The following EFEMP1 variants were observed in gnomAD, a reference collection of about 807,000 sequenced individuals.
EFEMP1 encodes EGF-containing fibulin-like extracellular matrix protein 1.
A neutral mutation model predicts 65.7 loss-of-function variants in EFEMP1; 18 were observed. The ratio of observed to expected loss-of-function variants is 0.27; its 90% confidence interval spans 0.19 to 0.41. EFEMP1 has a LOEUF of 0.41. Among genes scored for constraint, EFEMP1 ranks in the 10% least tolerant of loss-of-function variants. The pLI, the probability that EFEMP1 is intolerant of heterozygous loss-of-function variation, is 1.00. For synonymous variants in EFEMP1, 237 were observed against 219.7 expected (o/e 1.08, Z -0.70); for missense variants, 469 against 624.8 (o/e 0.75, Z 2.66).
chr2:55,922,817 C>A lies in EFEMP1; in HGVS notation c.-8+82G>T. ...AAAGGGGACGGTGCATTTCCTGCCCCCCAGTCCCACACCCCGGGGGATGGA... is the reference window on the plus strand; with the variant it reads ...AAAGGGGACGGTGCATTTCCTGCCCACCAGTCCCACACCCCGGGGGATGGA... On this transcript the variant is annotated intron_variant, in intron 2 of 11. Coordinates refer to ENST00000355426, the MANE Select transcript of EFEMP1 (RefSeq NM_001039348.3). This position sits in a 1 kb window ranked among gnomAD's most constrained non-coding sequence, Gnocchi z 5.5. 9.3e-7 allele frequency: 1 copy of A among 1,070,924 alleles called. No homozygotes were observed. The highest frequency in any genetic ancestry group is 1.8e-5 in the South Asian group (1 of 56,568). The allele number at this position is 1,070,924 out of a possible 1,614,324, so 66.3% of individuals were successfully genotyped here.
chr2:55,900,304 GC>G (rs1669982027), intron 5 of EFEMP1, among the ~76,000 whole-genome samples: 1 of 150,822 alleles, frequency 6.6e-6, no homozygotes, highest in African/African-American at 2.4e-5. Flanking sequence ...AGATCTGACT[GC>G]CCCCACGATC....
chr2:55,913,109 C>A (rs1415383114), intron 5 of EFEMP1, among the ~76,000 whole-genome samples: 1 of 152,192 alleles, frequency 6.6e-6, no homozygotes, highest in Non-Finnish European at 1.5e-5. Flanking sequence ...ACTGGACAAG[C>A]AATGCCTCAA....
chr2:55,915,750 A>G (rs1670653164), intron 5 of EFEMP1, among the ~76,000 whole-genome samples: 1 of 152,200 alleles, frequency 6.6e-6, no homozygotes, highest in Non-Finnish European at 1.5e-5. Context: ...AAATACTACC[A>G]AACTTTCCAG....
intron 5 of EFEMP1, among the ~76,000 whole-genome samples, chr2:55,899,729 T>G (rs1271190926): frequency 3.9e-5 from 6 of 152,132 alleles, no homozygotes; most frequent in Non-Finnish European, 7.3e-5. Flanking sequence ...CCACACCATA[T>G]CCCTCTTCCC....
Position 55,917,554 on chromosome 2 carries a change from C to A in EFEMP1, c.517+111G>T. 1.5e-6 allele frequency: 2 copies of A among 1,370,932 alleles called. No homozygotes were observed. The highest frequency in any genetic ancestry group is 2.1e-6 in the Non-Finnish European group (2 of 959,776). 84.9% of individuals were successfully genotyped at this position (1,370,932 alleles called of 1,614,324 possible). ...GATTAAATATAATGCAGACAAAGCA[C>A]TTAGCATGATGTCTGGCACGCGAGA... is the stretch of plus-strand genomic sequence containing the variant. On this transcript the variant is annotated intron_variant, in intron 5 of 11. Transcript: ENST00000355426. This position sits in a 1 kb window ranked among gnomAD's most constrained non-coding sequence, Gnocchi z 6.3.
chr2:55,917,767 T>C lies in EFEMP1; in HGVS notation c.415A>G (p.Ile139Val), dbSNP rs749133035. The change falls in exon 5 of 12, where the codon ATC becomes GTC. Residue 139 changes from isoleucine to valine, a missense_variant. Around this residue, in one of 3 missense-constraint regions of EFEMP1, gnomAD observed 399 missense variants for 528.2 expected, o/e 0.76. Transcript: ENST00000355426. This position sits in a 1 kb window ranked among gnomAD's most constrained non-coding sequence, Gnocchi z 6.3. ...EMQTGRNNFVIRRNPADPQRI... is the reference protein window; with the variant it reads ...EMQTGRNNFVVRRNPADPQRI... ...TGAGGGTCAGCTGGGTTCCGCCGGA[T>C]GACAAAGTTATTTCGGCCAGTCTGC... 3.1e-6 allele frequency: 5 copies of C among 1,614,156 alleles called. No individual in the cohort carries two copies. The highest frequency in any genetic ancestry group is 1.1e-5 in the South Asian group (1 of 91,084).
Position 55,875,051 on chromosome 2 carries a change from T to A in EFEMP1, c.895A>T (p.Arg299Ter), listed in dbSNP as rs1161030944. 6.2e-7 allele frequency: 1 copy of A among 1,603,164 alleles called. No individual in the cohort carries two copies. The highest frequency in any genetic ancestry group is 1.3e-5 in the African/African-American group (1 of 74,346). Reference protein sequence around the residue: ...RLNCEDIDECRTSSYLCQYQC... With the variant: ...RLNCEDIDEC ...TATTGACACAGGTAGCTTGAGGTTC[T>A]GCATTCATCAATGTCTGTTGAATTA... Residue 299 changes from arginine (R) to a stop codon, truncating the protein, a stop_gained, in exon 9 of 12, where the codon AGA becomes TGA. Transcript: ENST00000355426. LOFTEE classifies it high-confidence loss of function.
At chr2:55,879,535 T>C (rs1669160034) in intron 6 of EFEMP1, among the ~76,000 whole-genome samples, 1 of 152,230 alleles carries the variant, frequency 6.6e-6, no homozygotes, top group Admixed American at 6.5e-5. Context: ...TAAACATTCA[T>C]TGAACCATTC....
At chr2:55,880,497 T>C (rs1234846147) in intron 6 of EFEMP1, among the ~76,000 whole-genome samples, 1 of 152,230 alleles carries the variant, frequency 6.6e-6, no homozygotes, top group Non-Finnish European at 1.5e-5. Flanking sequence ...TGGGCCTTCC[T>C]CAGAGGCTGG....
chr2:55,875,467 C>T (rs1351455925), intron 8 of EFEMP1, among the ~76,000 whole-genome samples: 1 of 151,732 alleles, frequency 6.6e-6, no homozygotes, highest in African/African-American at 2.4e-5. Context: ...AATAGAAATA[C>T]AAAACTTTAT....
At chr2:55,875,372 A>T (rs73940326) in intron 8 of EFEMP1, among the ~76,000 whole-genome samples, 1,555 of 148,946 alleles carry the variant, frequency 0.01, 26 homozygotes, top group African/African-American at 0.035. Flanking sequence ...ACACATATAT[A>T]TTTTTTTTGT....
At chr2:55,878,043 A>G (rs902192920) in intron 6 of EFEMP1, among the ~76,000 whole-genome samples, 178 bp from the exon 7 acceptor site, 2 of 152,222 alleles carry the variant, frequency 1.3e-5, no homozygotes, top group African/African-American at 4.8e-5. Context: ...TTAAGAAGTT[A>G]AGAACAAAGA....
Position 55,870,848 on chromosome 2 carries a change from T to C in EFEMP1, c.1192A>G (p.Met398Val), listed in dbSNP as rs1012296244. 3.1e-6 allele frequency: 5 copies of C among 1,613,730 alleles called. No homozygotes were observed. The highest frequency in any genetic ancestry group is 2.5e-6 in the Non-Finnish European group (3 of 1,179,874). Reference sequence around the variant, plus strand: ...ACAGACCTATCAGATCGGATGCTCATGTATTTGTAGACTATTGACTGGGGC... The same window carrying C: ...ACAGACCTATCAGATCGGATGCTCACGTATTTGTAGACTATTGACTGGGGC... Reference protein sequence around the residue: ...ELPQSIVYKYMSIRSDRSVPS... With the variant: ...ELPQSIVYKYVSIRSDRSVPS... Residue 398 changes from methionine (M) to valine (V), a missense_variant, in exon 11 of 12, where the codon ATG becomes GTG. By Grantham distance (21) the Met-to-Val change is conservative. This residue lies in a region of EFEMP1 where 399 missense variants were observed against 528.2 expected (regional missense o/e 0.76). Coordinates refer to ENST00000355426, the MANE Select transcript of EFEMP1 (RefSeq NM_001039348.3). This position sits in a 1 kb window ranked among gnomAD's most constrained non-coding sequence, Gnocchi z 5.8.
chr2:55,867,122 G>A lies in EFEMP1; in HGVS notation c.1433C>T (p.Thr478Ile), dbSNP rs770166720. ...TATTGTCAATCTTAACACAGAGCTT[G>A]TGCGGAAGGTCCCTATACTGCTGAC... ...LTVSSIGTFR[T>I]SSVLRLTIIV... The change falls in exon 12 of 12, where the codon ACA (threonine) becomes ATA (isoleucine). Residue 478 changes from threonine to isoleucine, a missense_variant. Physicochemically the swap from Thr to Ile is moderately conservative, Grantham distance 89. This residue lies in a region of EFEMP1 where 399 missense variants were observed against 528.2 expected (regional missense o/e 0.76). Transcript: ENST00000355426. This position sits in a 1 kb window ranked among gnomAD's most constrained non-coding sequence, Gnocchi z 4.3. The A allele has an allele frequency of 2.5e-6, 4 of 1,613,586 alleles. No homozygotes were observed. The highest frequency in any genetic ancestry group is 3.3e-5 in the Admixed American group (2 of 59,990).
Position 55,917,661 on chromosome 2 carries a change from C to G in EFEMP1, c.517+4G>C, listed in dbSNP as rs761999227. 1 of 1,614,148 alleles carries G rather than the reference C, an allele frequency of 6.2e-7. No homozygotes were observed. Among genetic ancestry groups the G allele is most frequent in the Non-Finnish European group, 8.5e-7 (1 of 1,179,992 alleles). On this transcript the variant is annotated splice_donor_region_variant and intron_variant, in intron 5 of 11. Transcript: ENST00000355426. This position sits in a 1 kb window ranked among gnomAD's most constrained non-coding sequence, Gnocchi z 6.3. ...CAATGGTTAGGAAAATAAGTTATTC[C>G]TACCTTGGCACACGTTGTGTTCACT... is the stretch of plus-strand genomic sequence containing the variant.
At chr2:55,896,306 G>A (rs997385439) in intron 5 of EFEMP1, among the ~76,000 whole-genome samples, 37 of 152,336 alleles carry the variant, frequency 2.4e-4, no homozygotes, top group Non-Finnish European at 2.6e-4. Context: ...TGCAACTTCT[G>A]CAAAGGCTGA....
At position 55,917,981 on chromosome 2, in the gene EFEMP1, T is replaced by C; in HGVS notation, c.201A>G (p.Gly67=). ...GGMKCVNHYG[G]YLCLPKTAQI... is the part of the protein sequence containing the mutation. ...GGGCTGTTTTCGGAAGGCAGAGGTA[T>C]CCTCCATAGTGGTTGACACACTTCA... The change falls in exon 5 of 12, where the codon GGA becomes GGG. Residue 67 remains glycine, a synonymous_variant. Coordinates refer to ENST00000355426, the MANE Select transcript of EFEMP1 (RefSeq NM_001039348.3). This position sits in a 1 kb window ranked among gnomAD's most constrained non-coding sequence, Gnocchi z 6.3. The C allele has an allele frequency of 6.2e-7, 1 of 1,614,244 alleles. No homozygotes were observed. Among genetic ancestry groups the C allele is most frequent in the Non-Finnish European group, 8.5e-7 (1 of 1,180,046 alleles).
rs547851604 is a variant in EFEMP1 at position 55,870,787 on chromosome 2, A to C, written c.1253T>G (p.Ile418Ser). The change falls in exon 11 of 12, where the codon ATT (isoleucine) becomes AGT (serine). Residue 418 changes from isoleucine (I) to serine (S), a missense_variant. By Grantham distance (142) the Ile-to-Ser change is moderately radical. This residue lies in a region of EFEMP1 where 399 missense variants were observed against 528.2 expected (regional missense o/e 0.76). Coordinates refer to ENST00000355426, the MANE Select transcript of EFEMP1 (RefSeq NM_001039348.3). The surrounding 1 kb of genome is among the most constrained non-coding windows in gnomAD (Gnocchi z 5.8). ...AAAAGTATTGATGGTGTTGGCATAAATAGTTGTGGCCTGTATCTGGAAGAT... is the reference window on the plus strand; with the variant it reads ...AAAAGTATTGATGGTGTTGGCATAACTAGTTGTGGCCTGTATCTGGAAGAT... Reference protein sequence around the residue: ...SDIFQIQATTIYANTINTFRI... With the variant: ...SDIFQIQATTSYANTINTFRI... 1.9e-6 allele frequency: 3 copies of C among 1,613,834 alleles called. No individual in the cohort carries two copies. In the African/African-American group the frequency reaches 4.0e-5, roughly 22 times the overall value.
chr2:55,899,785 T>A (rs1558477670), intron 5 of EFEMP1, among the ~76,000 whole-genome samples: 1 of 152,206 alleles, frequency 6.6e-6, no homozygotes, highest in Non-Finnish European at 1.5e-5. Context: ...GAAAGTGGAC[T>A]CTGCTGCAAC....
Sources: allele counts gnomAD v4.1 joint callset (sites outside exome capture counted in the v4.1 genomes callset), GRCh38; gene constraint gnomAD v4.1.1; regional missense constraint gnomAD v4.1.1; non-coding constraint Gnocchi (gnomAD v3.1); transcripts MANE v1.5; gene names NCBI Gene and HGNC (gene_info 2026-07-23, HGNC 2026-07-21).